NEK10: variants seen among roughly 807,000 people sequenced by gnomAD.
NEK10 encodes NIMA related kinase 10.
NEK10 carries 122 observed loss-of-function variants against 159.8 expected under a neutral mutation model. The ratio of observed to expected loss-of-function variants is 0.76; its 90% CI spans 0.66 to 0.89. The LOEUF (loss-of-function observed/expected upper bound fraction) is 0.89, where lower values mean the gene tolerates loss of function less well. Ranked by LOEUF, NEK10 falls within the 40% of genes least tolerant of loss-of-function variation. The pLI, the probability that NEK10 is intolerant of heterozygous loss-of-function variation, is 0.00. For synonymous variants in NEK10, 466 were observed against 457.1 expected, an observed-to-expected ratio of 1.02 and a Z score of -0.25; for missense variants, 1,342 against 1,323.1, an observed-to-expected ratio of 1.01 and a Z score of -0.22.
At chr3:27,215,567 G>C (rs1951428431) in intron 23 of NEK10, 1 of 469,780 alleles carries the variant, frequency 2.1e-6, no homozygotes, top group Non-Finnish European at 3.8e-6. Context: ...CTTGGATGTT[G>C]GCAGTTTAAA....
chr3:27,123,906 G>C (rs529841811), intron 32 of NEK10, among the ~76,000 whole-genome samples: 1 of 151,962 alleles, frequency 6.6e-6, no homozygotes, highest in African/African-American at 2.4e-5. Flanking sequence ...GGTGGCTGAC[G>C]TGGAGACAGC....
intron 5 of NEK10, among the ~76,000 whole-genome samples, chr3:27,342,524 G>C (rs986564785): frequency 1.3e-5 from 2 of 152,146 alleles, no homozygotes; most frequent in African/African-American, 2.4e-5. Context: ...TGAAAGCAAA[G>C]AGATCTACAA....
intron 5 of NEK10, among the ~76,000 whole-genome samples, chr3:27,338,183 C>T (rs921836305): frequency 7.9e-5 from 12 of 152,094 alleles, no homozygotes; most frequent in East Asian, 7.7e-4. Context: ...TGAGGACATG[C>T]GGTGTTTGGT....
At chr3:27,167,376 AG>A (rs1262796135) in intron 29 of NEK10, among the ~76,000 whole-genome samples, 1 of 152,210 alleles carries the variant, frequency 6.6e-6, no homozygotes, top group African/African-American at 2.4e-5. Flanking sequence ...AGTTTGGCGC[AG>A]GCCTGGCACA....
In NEK10 at chr3:27,286,079, C is replaced by CTTTTTTTTTTTTTTTT. The variant is rs35663067; in HGVS notation, c.1790-1134_1790-1119dup. 5.2e-5 allele frequency among the ~76,000 whole-genome samples: 3 copies of CTTTTTTTTTTTTTTTT among 57,706 alleles called. 1 individual carries two copies. Among genetic ancestry groups the CTTTTTTTTTTTTTTTT allele is most frequent in the South Asian group, 7.6e-4 (1 of 1,324 alleles). 37.9% of individuals were successfully genotyped at this position (57,706 alleles called of 152,430 possible). A position where few individuals can be genotyped will look rare whatever the true frequency, so the allele number is the denominator to read the frequency against. Reference sequence around the variant, plus strand: ...ATGTATTTTTAAGCCATTTCCAATTCTTTTTTTTTTTTTTTTTTTTTTTTG... The same window carrying CTTTTTTTTTTTTTTTT: ...ATGTATTTTTAAGCCATTTCCAATTCTTTTTTTTTTTTTTTTTTTTTTTTTTTTTTTTTTTTTTTTG... On this transcript the variant is annotated intron_variant, in intron 20 of 35. Coordinates refer to ENST00000691995, the MANE Select transcript of NEK10 (RefSeq NM_001394966.1).
rs1939366857 is a variant in NEK10, at chr3:27,110,093, AT to A, written c.*1178del. 6 of 152,362 alleles carry A rather than the reference AT, an allele frequency of 3.9e-5. No individual in the cohort carries two copies. The South Asian group carries it at 1.2e-3, about 32-fold the overall frequency. The allele number at this position is 152,362 out of a possible 1,614,324, so 9.4% of individuals were successfully genotyped here. On this transcript the variant is annotated 3_prime_UTR_variant, in exon 36 of 36. Transcript: ENST00000691995. ...GATGACAGAACTCCATGAAAAGTAA[AT>A]AAAAAGTATAATTTCAACTTTCAGA...
intron 23 of NEK10, among the ~76,000 whole-genome samples, chr3:27,210,935 T>C (rs1289744629): frequency 6.6e-6 from 1 of 152,198 alleles, no homozygotes; most frequent in African/African-American, 2.4e-5. Flanking sequence ...ACCAATCCAT[T>C]ATTTGATAGA....
intron 31 of NEK10, among the ~76,000 whole-genome samples, chr3:27,135,375 T>A (rs146189084): frequency 6.6e-6 from 1 of 152,222 alleles, no homozygotes; most frequent in African/African-American, 2.4e-5. Flanking sequence ...AATTACTTCC[T>A]CAAAGTCACA....
At chr3:27,204,733 A>G (rs1950377950) in intron 23 of NEK10, among the ~76,000 whole-genome samples, 1 of 139,394 alleles carries the variant, frequency 7.2e-6, no homozygotes, top group Admixed American at 7.7e-5. Context: ...GGTTGGTTCC[A>G]AGTCTTTGCT....
intron 22 of NEK10, among the ~76,000 whole-genome samples, chr3:27,277,284 A>ACTCTCAGAC (rs2041841999): frequency 6.6e-6 from 1 of 151,914 alleles, no homozygotes; most frequent in South Asian, 2.1e-4. Context: ...GGAACTACTC[A>ACTCTCAGAC]CTCTCAGACC....
rs1553603292 is a variant in NEK10, at chr3:27,250,702, A to AC, written c.2090+5593_2090+5594insG. On this transcript the variant is annotated intron_variant, in intron 23 of 35. Coordinates refer to ENST00000691995, the MANE Select transcript of NEK10 (RefSeq NM_001394966.1). ...CACCAGATATACTATTCTGGGGTAA[A>AC]TTTTTTTTTTCCTTCAGCACTTTCA... Among the ~76,000 whole-genome samples, 223 of 149,718 alleles carry AC rather than the reference A, an allele frequency of 1.5e-3. 1 individual carries two copies. The highest frequency in any genetic ancestry group is 5.3e-3 in the African/African-American group (218 of 40,786).
chr3:27,300,828 C>A (rs2043758440), intron 13 of NEK10, among the ~76,000 whole-genome samples: 1 of 152,210 alleles, frequency 6.6e-6, no homozygotes, highest in South Asian at 2.1e-4. Flanking sequence ...AGACAGGGGC[C>A]TTTCAGAGTA....
rs71091129 is a variant in NEK10, at chr3:27,365,610, G to GTTTTTTTTTTTTTTTTTTTTTTTTT, written c.-38+3614_-38+3615insAAAAAAAAAAAAAAAAAAAAAAAAA. ...TTGGTTTTTTGTGTTTTTTTTTTGT[G>GTTTTTTTTTTTTTTTTTTTTTTTTT]TTTTTTTTTTTTTTTTTTTTGAGAT... On this transcript the variant is annotated intron_variant, in intron 1 of 35. Coordinates refer to ENST00000691995, the MANE Select transcript of NEK10 (RefSeq NM_001394966.1). 3.0e-5 allele frequency among the ~76,000 whole-genome samples: 3 copies of GTTTTTTTTTTTTTTTTTTTTTTTTT among 99,104 alleles called. 1 individual carries two copies. Among genetic ancestry groups the GTTTTTTTTTTTTTTTTTTTTTTTTT allele is most frequent in the Non-Finnish European group, 5.6e-5 (3 of 54,010 alleles). 65.0% of individuals were successfully genotyped at this position (99,104 alleles called of 152,430 possible). A position where few individuals can be genotyped will look rare whatever the true frequency, so the allele number is the denominator to read the frequency against.
chr3:27,233,442 T>C (rs1953537260), intron 23 of NEK10, among the ~76,000 whole-genome samples: 1 of 152,018 alleles, frequency 6.6e-6, no homozygotes, highest in South Asian at 2.1e-4. Flanking sequence ...GGAACATTTT[T>C]ACACTGCTGA....
At chr3:27,360,153 A>C (rs2048583328) in intron 1 of NEK10, among the ~76,000 whole-genome samples, 1 of 152,174 alleles carries the variant, frequency 6.6e-6, no homozygotes, top group Non-Finnish European at 1.5e-5. Flanking sequence ...CTTATATTAC[A>C]TTGTTATTGT....
At chr3:27,222,792 T>G (rs1952255650) in intron 23 of NEK10, among the ~76,000 whole-genome samples, 2 of 152,120 alleles carry the variant, frequency 1.3e-5, no homozygotes, top group Admixed American at 6.6e-5. Flanking sequence ...ACAAATATTT[T>G]AATAGTTCAG....
chr3:27,212,033 C>T (rs1180738327), intron 23 of NEK10, among the ~76,000 whole-genome samples: 2 of 152,054 alleles, frequency 1.3e-5, no homozygotes, highest in Admixed American at 6.6e-5. Flanking sequence ...CTATGTCTAT[C>T]GATTAAAGAC....
Position 27,301,791 on chromosome 3 carries a change from G to A in NEK10, c.1073C>T (p.Ser358Phe). The A allele has an allele frequency of 6.4e-7, 1 of 1,556,810 alleles. No individual in the cohort carries two copies. Among genetic ancestry groups the A allele is most frequent in the Non-Finnish European group, 8.7e-7 (1 of 1,149,330 alleles). The change falls in exon 13 of 36, where the codon TCC (serine) becomes TTC (phenylalanine). Residue 358 changes from serine (S) to phenylalanine (F), a missense_variant. Physicochemically the swap from Ser to Phe is radical, Grantham distance 155. Coordinates refer to ENST00000691995, the MANE Select transcript of NEK10 (RefSeq NM_001394966.1). Reference sequence around the variant, plus strand: ...GATTCGGCCTGCAGCATTTGCACTGGACAGGCTTCCAATGGAGGAGTGATC... The same window carrying A: ...GATTCGGCCTGCAGCATTTGCACTGAACAGGCTTCCAATGGAGGAGTGATC... ...VSDHSSIGSL[S>F]SANAAGRIQQ...
At chr3:27,267,221 G>C (rs2040968685) in intron 22 of NEK10, among the ~76,000 whole-genome samples, 1 of 152,154 alleles carries the variant, frequency 6.6e-6, no homozygotes. Context: ...CCATCTGTGG[G>C]CTATAGTCAT....
Sources: allele counts gnomAD v4.1 joint callset (sites outside exome capture counted in the v4.1 genomes callset), GRCh38; gene constraint gnomAD v4.1.1; transcripts MANE v1.5; gene names NCBI Gene and HGNC (gene_info 2026-07-23, HGNC 2026-07-21).